Variants in COPRS observed in about 807,000 individuals in gnomAD.
COPRS encodes cooperator of PRMT5.
Under a neutral mutation model 19.9 loss-of-function variants are expected in COPRS, and 11 were observed. The observed-to-expected ratio is 0.55, with a 90% CI of 0.35 to 0.92. The LOEUF (loss-of-function observed/expected upper bound fraction) is 0.92. Ranked by LOEUF, COPRS falls within the 40% of genes least tolerant of loss-of-function variation. The pLI, the probability that COPRS is intolerant of heterozygous loss-of-function variation, is 0.01. For missense variants in COPRS, 225 were observed against 229.9 expected, an observed-to-expected ratio of 0.98 and a Z score of 0.14; for synonymous variants, 81 against 82.7, an observed-to-expected ratio of 0.98 and a Z score of 0.11.
At chr17:31,854,087 G>C (rs1909248698) in intron 2 of COPRS, among the ~76,000 whole-genome samples, 1 of 152,034 alleles carries the variant, frequency 6.6e-6, no homozygotes, top group Admixed American at 6.6e-5. Context: ...CATCGGACTG[G>C]GCCGGGCACG....
rs1231088481 is a variant in COPRS, at chr17:31,852,035, G to A, written c.*104C>T. ...CACTGGTCTGTGTACCCCAGACTAG[G>A]GGTCACTGCAAACATTTTCTCAGAT... On this transcript the variant is annotated 3_prime_UTR_variant, in exon 4 of 4. Coordinates refer to ENST00000302362, the MANE Select transcript of COPRS (RefSeq NM_018405.4). The A allele has an allele frequency of 7.5e-7, 1 of 1,332,396 alleles. No individual in the cohort carries two copies. Among genetic ancestry groups the A allele is most frequent in the African/African-American group, 1.4e-5 (1 of 69,184 alleles). 82.5% of individuals were successfully genotyped at this position (1,332,396 alleles called of 1,614,324 possible). A position where few individuals can be genotyped will look rare whatever the true frequency, so the allele number is the denominator to read the frequency against.
At chr17:31,854,355 C>CAAA (rs34371712) in intron 2 of COPRS, among the ~76,000 whole-genome samples, 10 of 46,438 alleles carry the variant, frequency 2.2e-4, no homozygotes, top group African/African-American at 3.4e-4. Flanking sequence ...ACCCTGTCTC[C>CAAA]AAAAAAAAAA....
At chr17:31,857,345 T>C (rs929063102) in intron 1 of COPRS, among the ~76,000 whole-genome samples, 1 of 152,224 alleles carries the variant, frequency 6.6e-6, no homozygotes, top group Admixed American at 6.5e-5. Flanking sequence ...CCTTCAGCCA[T>C]AGGTTGGTAG....
At chr17:31,853,374 T>C (rs925012782) in intron 2 of COPRS, among the ~76,000 whole-genome samples, 22 of 151,714 alleles carry the variant, frequency 1.5e-4, no homozygotes, top group African/African-American at 5.3e-4. Flanking sequence ...CTGAATTAAG[T>C]TTTTGCTCTT....
At chr17:31,855,521 T>C (rs968383761) in intron 2 of COPRS, among the ~76,000 whole-genome samples, 2 of 148,164 alleles carry the variant, frequency 1.3e-5, no homozygotes, top group African/African-American at 5.0e-5. Context: ...AATAAATAAA[T>C]AAATAAATAC....
intron 2 of COPRS, 132 bp from the exon 3 acceptor site, chr17:31,853,162 C>T: frequency 4.3e-6 from 3 of 701,010 alleles, no homozygotes; most frequent in Non-Finnish European, 7.5e-6. Flanking sequence ...CCACCGAGCA[C>T]TTTTTTAAAA....
chr17:31,858,768 C>A (rs748505274), intron 1 of COPRS: 1 of 1,550,630 alleles, frequency 6.4e-7, no homozygotes, highest in South Asian at 1.2e-5. Context: ...CTGGCCCTCG[C>A]CCAGGCTCCT....
At position 31,854,285 on chromosome 17, in the gene COPRS, G is replaced by A. The variant is rs551601249; in HGVS notation, c.167-1255C>T. ...CTCAAGAGGCTGAGGTGGGAGGATC[G>A]CTTGAACCTGGGAGGTGGAGGCTGC... On this transcript the variant is annotated intron_variant, in intron 2 of 3. Transcript: ENST00000302362. Among the ~76,000 whole-genome samples the A allele has an allele frequency of 5.1e-4, 72 of 142,040 alleles. 1 individual carries two copies. Among genetic ancestry groups the A allele is most frequent in the South Asian group, 2.0e-3 (9 of 4,492 alleles). 93.2% of individuals were successfully genotyped at this position (142,040 alleles called of 152,430 possible).
At chr17:31,858,761 G>A (rs1315093924) in intron 1 of COPRS, 1 of 1,550,524 alleles carries the variant, frequency 6.4e-7, no homozygotes, top group Admixed American at 2.0e-5. Flanking sequence ...CCCTCACCTG[G>A]CCCTCGCCCA....
In COPRS at chr17:31,858,851, G is replaced by A. The variant is rs776827318; in HGVS notation, c.99+250C>T. On this transcript the variant is annotated intron_variant, in intron 1 of 3. Transcript: ENST00000302362. ...AAATCCGCAGCGGCGCCCAGCGGGC[G>A]GACAGCCGTCTCTGCTGACCCAGAG... is the stretch of plus-strand genomic sequence containing the variant. 6 of 1,546,896 alleles carry A rather than the reference G, an allele frequency of 3.9e-6. No homozygotes were observed. In the African/African-American group the frequency reaches 8.2e-5, roughly 21 times the overall value.
At position 31,859,244 on chromosome 17, in the gene COPRS, T is replaced by G; in HGVS notation, c.-45A>C. 1.1e-6 allele frequency: 1 copy of G among 877,996 alleles called. No homozygotes were observed. The highest frequency in any genetic ancestry group is 5.2e-5 in the South Asian group (1 of 19,358). The allele number at this position is 877,996 out of a possible 1,614,324, so 54.4% of individuals were successfully genotyped here. On this transcript the variant is annotated 5_prime_UTR_variant, in exon 1 of 4. Coordinates refer to ENST00000302362, the MANE Select transcript of COPRS (RefSeq NM_018405.4). ...GTCGCCCTGGACGCCGTGGGCCACG[T>G]GACGCGCCGGCCCGGCTGCCCGCCC...
intron 2 of COPRS, among the ~76,000 whole-genome samples, chr17:31,855,307 C>G (rs985625137): frequency 5.3e-5 from 8 of 151,930 alleles, no homozygotes; most frequent in African/African-American, 1.2e-4. Context: ...GTCAGGAGAT[C>G]GAGACCATCC....
At chr17:31,853,063 C>T in intron 2 of COPRS, 33 bp from the exon 3 acceptor site, 1 of 1,528,932 alleles carries the variant, frequency 6.5e-7, no homozygotes, top group Admixed American at 1.7e-5. Flanking sequence ...GCCTTAGTGA[C>T]AAACCAAAGA....
intron 2 of COPRS, among the ~76,000 whole-genome samples, chr17:31,853,412 G>T (rs749156337): frequency 1.4e-5 from 2 of 145,932 alleles, no homozygotes; most frequent in East Asian, 4.0e-4. Context: ...ACAGAGTCTC[G>T]CTCTGTCGCC....
At chr17:31,858,780 G>A in intron 1 of COPRS, 2 of 1,550,528 alleles carry the variant, frequency 1.3e-6, no homozygotes, top group Non-Finnish European at 8.7e-7. Flanking sequence ...CAGGCTCCTG[G>A]CAGCGGGCCC....
At chr17:31,853,905 C>T (rs1167104888) in intron 2 of COPRS, among the ~76,000 whole-genome samples, 1 of 152,164 alleles carries the variant, frequency 6.6e-6, no homozygotes, top group Non-Finnish European at 1.5e-5. Flanking sequence ...TTTCCGAGCA[C>T]ATAGTGCTTT....
chr17:31,853,833 C>T (rs1598084696), intron 2 of COPRS, among the ~76,000 whole-genome samples: 2 of 151,972 alleles, frequency 1.3e-5, no homozygotes, highest in South Asian at 4.2e-4. Flanking sequence ...TCAGGGAGGC[C>T]GGAAGGTACA....
At position 31,856,875 on chromosome 17, in the gene COPRS, G is replaced by A; in HGVS notation, c.100-10C>T. ...CTGTAGCAAAGCCAGCCTGCAGGAA[G>A]AAGAAATGATTACCAAGGACTTGGG... On this transcript the variant is annotated splice_polypyrimidine_tract_variant and intron_variant, in intron 1 of 3. Transcript: ENST00000302362. 1 of 1,574,342 alleles carries A rather than the reference G, an allele frequency of 6.4e-7. No homozygotes were observed. The highest frequency in any genetic ancestry group is 8.7e-7 in the Non-Finnish European group (1 of 1,145,308).
intron 1 of COPRS, among the ~76,000 whole-genome samples, chr17:31,857,244 G>T (rs1598086529): frequency 6.6e-6 from 1 of 152,200 alleles, no homozygotes; most frequent in East Asian, 1.9e-4. Context: ...CCATCAGCTG[G>T]GGCAGTGCCT....
Sources: allele counts gnomAD v4.1 joint callset (sites outside exome capture counted in the v4.1 genomes callset), GRCh38; gene constraint gnomAD v4.1.1; transcripts MANE v1.5; gene names NCBI Gene and HGNC (gene_info 2026-07-23, HGNC 2026-07-21).